Variants in PRKG1 observed in about 807,000 individuals in gnomAD.
The protein encoded by PRKG1 is protein kinase cGMP-dependent 1, also known as cGMP-dependent protein kinase 1.
Under a neutral mutation model 88.1 loss-of-function variants are expected in PRKG1, and 35 were observed. The observed-to-expected ratio is 0.40, with a 90% CI of 0.30 to 0.53. The LOEUF (loss-of-function observed/expected upper bound fraction) is 0.53, where lower values mean the gene tolerates loss of function less well. Ranked by LOEUF, PRKG1 falls within the 20% of genes least tolerant of loss-of-function variation. The pLI is 0.59. For synonymous variants in PRKG1, 303 were observed against 292.5 expected (o/e 1.04, Z -0.37); for missense variants, 540 against 839.8 (o/e 0.64, Z 4.41).
chr10:51,730,885 G>C lies in PRKG1; in HGVS notation c.593-73700G>C, dbSNP rs1329263269. Among the ~76,000 whole-genome samples, 4 of 152,268 alleles carry C rather than the reference G, an allele frequency of 2.6e-5. No homozygotes were observed. In the East Asian group the frequency reaches 7.7e-4, roughly 29 times the overall value. ...TACAAAAACCTTCTGGCCGGGCGCAGTGGCTCATGCCTGTAATCCCAGCAC... is the reference window on the plus strand; with the variant it reads ...TACAAAAACCTTCTGGCCGGGCGCACTGGCTCATGCCTGTAATCCCAGCAC... On this transcript the variant is annotated intron_variant, in intron 3 of 17. Coordinates refer to ENST00000373980, the MANE Select transcript of PRKG1 (RefSeq NM_006258.4).
At chr10:52,035,680 G>C (rs904541799) in intron 5 of PRKG1, among the ~76,000 whole-genome samples, 2 of 152,122 alleles carry the variant, frequency 1.3e-5, no homozygotes, top group Non-Finnish European at 2.9e-5. Flanking sequence ...GTAATTGTGG[G>C]AGACTCAACA....
intron 3 of PRKG1, among the ~76,000 whole-genome samples, chr10:51,542,700 T>C (rs1410305200): frequency 6.6e-6 from 1 of 152,110 alleles, no homozygotes; most frequent in Non-Finnish European, 1.5e-5. Context: ...ATTGAAGCAG[T>C]CTGGCTGGAA....
intron 3 of PRKG1, among the ~76,000 whole-genome samples, chr10:51,772,315 G>A (rs1482608935): frequency 6.6e-6 from 1 of 152,108 alleles, no homozygotes; most frequent in African/African-American, 2.4e-5. Flanking sequence ...TGTATTCAGG[G>A]AGATTCATTA....
At chr10:51,951,734 A>G (rs560669744) in intron 5 of PRKG1, among the ~76,000 whole-genome samples, 25 of 152,304 alleles carry the variant, frequency 1.6e-4, no homozygotes, top group Admixed American at 1.4e-3. Context: ...CAGTAGGCAT[A>G]AGTTGGGGAA....
At chr10:51,367,614 T>C (rs1842617228) in intron 2 of PRKG1, among the ~76,000 whole-genome samples, 1 of 151,982 alleles carries the variant, frequency 6.6e-6, no homozygotes, top group Non-Finnish European at 1.5e-5. Context: ...CCTTTCATCC[T>C]TTTTAAAGTC....
rs1841643775 is a variant in PRKG1, at chr10:51,518,200, G to A, written c.592+50364G>A. ...TTTTGTAGAGATGGGGTTTCACCATGTTGGCCAGGCTGGTCTCGAACTCCT... is the reference window on the plus strand; with the variant it reads ...TTTTGTAGAGATGGGGTTTCACCATATTGGCCAGGCTGGTCTCGAACTCCT... On this transcript the variant is annotated intron_variant, in intron 3 of 17. Coordinates refer to ENST00000373980, the MANE Select transcript of PRKG1 (RefSeq NM_006258.4). Among the ~76,000 whole-genome samples, 3 of 152,242 alleles carry A rather than the reference G, an allele frequency of 2.0e-5. No individual in the cohort carries two copies. In the South Asian group the frequency reaches 6.2e-4, roughly 32 times the overall value.
At chr10:52,166,516 C>G (rs1838442999) in intron 9 of PRKG1, among the ~76,000 whole-genome samples, 1 of 142,488 alleles carries the variant, frequency 7.0e-6, no homozygotes, top group South Asian at 2.2e-4. Context: ...TCACTGCAAG[C>G]TCCGCCTCCC....
chr10:51,134,215 G>A (rs931069289), intron 1 of PRKG1, among the ~76,000 whole-genome samples: 1 of 152,180 alleles, frequency 6.6e-6, no homozygotes, highest in African/African-American at 2.4e-5. Flanking sequence ...AGGATTTAAT[G>A]TGCCAGATGA....
intron 5 of PRKG1, among the ~76,000 whole-genome samples, chr10:51,947,057 C>A (rs1301391625): frequency 6.6e-6 from 1 of 152,080 alleles, no homozygotes; most frequent in Non-Finnish European, 1.5e-5. Flanking sequence ...CTGTGCCCTG[C>A]CCCCAGATGT....
chr10:51,903,772 C>A (rs540004777), intron 4 of PRKG1, among the ~76,000 whole-genome samples: 15 of 151,982 alleles, frequency 9.9e-5, no homozygotes, highest in Non-Finnish European at 1.8e-4. Flanking sequence ...TTAGTATATT[C>A]ATTGAAAAGT....
chr10:51,488,601 T>C (rs1323179128), intron 3 of PRKG1, among the ~76,000 whole-genome samples: 2 of 152,314 alleles, frequency 1.3e-5, no homozygotes, highest in East Asian at 3.9e-4. Flanking sequence ...GCTTGAAATG[T>C]AATCATGCCT....
chr10:52,080,076 C>T (rs12769133), intron 7 of PRKG1, among the ~76,000 whole-genome samples: 6,651 of 152,042 alleles, frequency 0.044, 156 homozygotes, highest in Middle Eastern at 0.061. Context: ...AGCTCCAAAT[C>T]TACTTCTTTG....
intron 3 of PRKG1, among the ~76,000 whole-genome samples, chr10:51,629,098 G>A (rs189774757): frequency 1.1e-4 from 16 of 152,310 alleles, no homozygotes; most frequent in Admixed American, 6.5e-4. Context: ...AAAATATGGG[G>A]TGTGGAGGAA....
chr10:51,745,237 GT>G (rs369710236), intron 3 of PRKG1, among the ~76,000 whole-genome samples: 15 of 151,258 alleles, frequency 9.9e-5, no homozygotes, highest in East Asian at 1.9e-4. Flanking sequence ...ATTGGGAAAA[GT>G]TTTTTTTTAC....
intron 9 of PRKG1, among the ~76,000 whole-genome samples, chr10:52,239,597 C>T (rs542754535): frequency 7.1e-6 from 1 of 140,176 alleles, no homozygotes. Flanking sequence ...TCATTTTACT[C>T]AATTATTTAC....
At chr10:51,686,360 G>A (rs138127694) in intron 3 of PRKG1, among the ~76,000 whole-genome samples, 9 of 151,900 alleles carry the variant, frequency 5.9e-5, no homozygotes, top group African/African-American at 1.9e-4. Flanking sequence ...ATGTGTTCTC[G>A]TTCGGCTCCC....
At chr10:51,622,698 C>T (rs1008505025) in intron 3 of PRKG1, among the ~76,000 whole-genome samples, 3 of 152,114 alleles carry the variant, frequency 2.0e-5, no homozygotes, top group African/African-American at 7.2e-5. Context: ...CATTTTCCTC[C>T]CCAGACACTT....
At chr10:52,090,584 T>C (rs905936939) in intron 7 of PRKG1, among the ~76,000 whole-genome samples, 2 of 152,174 alleles carry the variant, frequency 1.3e-5, no homozygotes, top group African/African-American at 2.4e-5. Context: ...TGGTTAAAAT[T>C]AATGAGTTCA....
At chr10:51,682,383 C>T (rs1309391717) in intron 3 of PRKG1, among the ~76,000 whole-genome samples, 1 of 152,168 alleles carries the variant, frequency 6.6e-6, no homozygotes, top group East Asian at 1.9e-4. Context: ...ATTTAAAATG[C>T]CTCCTTCTCT....
Sources: allele counts gnomAD v4.1 joint callset (sites outside exome capture counted in the v4.1 genomes callset), GRCh38; gene constraint gnomAD v4.1.1; transcripts MANE v1.5; gene names NCBI Gene and HGNC (gene_info 2026-07-23, HGNC 2026-07-21).